Variants in FSHR observed in about 807,000 individuals in gnomAD.
The protein encoded by FSHR is follicle-stimulating hormone receptor.
FSHR carries 46 observed loss-of-function variants against 52.1 expected under a neutral mutation model. That is an observed-to-expected ratio of 0.88 (90% CI 0.70 to 1.13). The LOEUF (loss-of-function observed/expected upper bound fraction) is 1.13. FSHR is among the 50% of genes most tolerant of loss of function. The probability of loss-of-function intolerance (pLI) is 0.00; values close to 1 mark genes in which losing one functional copy is unlikely to be tolerated. For missense variants in FSHR, 964 were observed against 834.6 expected (o/e 1.16, Z -1.91); for synonymous variants, 399 against 309.6 (o/e 1.29, Z -3.03).
At chr2:48,998,554 C>G (rs6722409) in intron 4 of FSHR, among the ~76,000 whole-genome samples, 86,295 of 151,654 alleles carry the variant, frequency 0.57, 25,486 homozygotes, top group Non-Finnish European at 0.66. Flanking sequence ...CTGATGTCAG[C>G]CAGAACATTT....
In FSHR at chr2:49,129,005, G is replaced by A. The variant is rs186070453; in HGVS notation, c.152+25261C>T. ...TTTCACATCCTCATCTTTGAAGGTCGTTAAAGCATATGAATCATCCAGATT... is the reference window on the plus strand; with the variant it reads ...TTTCACATCCTCATCTTTGAAGGTCATTAAAGCATATGAATCATCCAGATT... On this transcript the variant is annotated intron_variant, in intron 1 of 9. Coordinates refer to ENST00000406846, the MANE Select transcript of FSHR (RefSeq NM_000145.4). Among the ~76,000 whole-genome samples the A allele has an allele frequency of 1.9e-3, 281 of 150,002 alleles. 1 individual carries two copies. The highest frequency in any genetic ancestry group is 2.4e-3 in the Non-Finnish European group (164 of 67,684).
At chr2:49,142,754 A>G (rs1248408929) in intron 1 of FSHR, among the ~76,000 whole-genome samples, 1 of 152,182 alleles carries the variant, frequency 6.6e-6, no homozygotes, top group Admixed American at 6.5e-5. Flanking sequence ...ATGATGGTGA[A>G]TTAAGCTATA....
chr2:49,138,629 A>G (rs1672568811), intron 1 of FSHR, among the ~76,000 whole-genome samples: 1 of 152,230 alleles, frequency 6.6e-6, no homozygotes, highest in African/African-American at 2.4e-5. Context: ...GATCCCACTC[A>G]TAAGAAAGTC....
At chr2:49,092,349 T>C (rs746812919) in intron 1 of FSHR, among the ~76,000 whole-genome samples, 1 of 152,228 alleles carries the variant, frequency 6.6e-6, no homozygotes, top group African/African-American at 2.4e-5. Context: ...GTTTCCAATC[T>C]GAATGCCTTT....
intron 1 of FSHR, among the ~76,000 whole-genome samples, chr2:49,103,918 C>T (rs568699978): frequency 2.0e-5 from 3 of 150,756 alleles, no homozygotes; most frequent in East Asian, 2.0e-4. Flanking sequence ...CTTGCTGCCC[C>T]ATTGGTTTTC....
At chr2:48,982,410 G>T (rs1277281964) in intron 8 of FSHR, among the ~76,000 whole-genome samples, 1 of 152,176 alleles carries the variant, frequency 6.6e-6, no homozygotes, top group Non-Finnish European at 1.5e-5. Context: ...GGTCTCATTG[G>T]GTTGAAGGAA....
chr2:48,998,429 T>G (rs985442409), intron 4 of FSHR, among the ~76,000 whole-genome samples: 1 of 152,138 alleles, frequency 6.6e-6, no homozygotes, highest in East Asian at 1.9e-4. Flanking sequence ...AATGCAATTT[T>G]CTAACCAGTT....
chr2:49,084,284 T>C (rs915907443), intron 1 of FSHR, among the ~76,000 whole-genome samples: 23 of 152,090 alleles, frequency 1.5e-4, no homozygotes, highest in African/African-American at 5.5e-4. Flanking sequence ...ATAAAGATGT[T>C]CTTTGAAACC....
At chr2:49,054,881 G>C (rs1444900639) in intron 2 of FSHR, among the ~76,000 whole-genome samples, 1 of 152,042 alleles carries the variant, frequency 6.6e-6, no homozygotes, top group African/African-American at 2.4e-5. Flanking sequence ...TCATCCAAAT[G>C]AATGTCTTTT....
intron 4 of FSHR, among the ~76,000 whole-genome samples, chr2:49,002,240 A>T (rs916264864): frequency 6.6e-6 from 1 of 152,064 alleles, no homozygotes. Context: ...TAATACAACT[A>T]CCAGTGCTTG....
chr2:49,071,444 G>A (rs886633453), intron 1 of FSHR, among the ~76,000 whole-genome samples: 70 of 152,100 alleles, frequency 4.6e-4, no homozygotes, highest in African/African-American at 1.6e-3. Context: ...ATTCAAATGT[G>A]AGGATAAAAT....
intron 1 of FSHR, among the ~76,000 whole-genome samples, chr2:49,126,224 G>T (rs1310774690): frequency 1.3e-5 from 2 of 152,184 alleles, no homozygotes; most frequent in Middle Eastern, 3.2e-3. Context: ...AAGTCCAAGA[G>T]TGAGGGTCCC....
At chr2:49,050,025 A>G (rs1388656105) in intron 2 of FSHR, among the ~76,000 whole-genome samples, 2 of 152,116 alleles carry the variant, frequency 1.3e-5, no homozygotes, top group African/African-American at 2.4e-5. Context: ...CTAAAACCAC[A>G]TCAACCCAAA....
Position 48,962,768 on chromosome 2 carries a change from T to G in FSHR, c.2053A>C (p.Ile685Leu). ...APRVTSGSTY[I>L]LVPLSHLAQN The stretch of plus-strand genomic sequence containing the variant: ...GCTAAATGACTTAGAGGGACAAGTA[T>G]GTAAGTGGAACCACTGGTGACTCTG... The change falls in exon 10 of 10, where the codon ATA (isoleucine) becomes CTA (leucine). Residue 685 changes from isoleucine (I) to leucine (L), a missense_variant. Physicochemically the swap from Ile to Leu is conservative, Grantham distance 5 (BLOSUM62 2). Transcript: ENST00000406846. 6.2e-7 allele frequency: 1 copy of G among 1,614,110 alleles called. No homozygotes were observed. Among genetic ancestry groups the G allele is most frequent in the Non-Finnish European group, 8.5e-7 (1 of 1,179,932 alleles).
intron 1 of FSHR, among the ~76,000 whole-genome samples, chr2:49,132,637 T>G (rs998862813): frequency 6.6e-6 from 1 of 152,118 alleles, no homozygotes; most frequent in Non-Finnish European, 1.5e-5. Flanking sequence ...GTAACTTCAT[T>G]GCAATAACAT....
intron 1 of FSHR, among the ~76,000 whole-genome samples, chr2:49,093,171 C>T (rs1165548350): frequency 6.6e-6 from 1 of 152,108 alleles, no homozygotes; most frequent in Admixed American, 6.6e-5. Context: ...CAGAGTAATG[C>T]CGGCTTTGTA....
chr2:49,134,730 C>T (rs1260663974), intron 1 of FSHR, among the ~76,000 whole-genome samples: 7 of 152,162 alleles, frequency 4.6e-5, no homozygotes. Context: ...GAATACTATG[C>T]AGACATAAAA....
Position 48,982,909 on chromosome 2 carries a change from C to G in FSHR, c.668+3G>C. On this transcript the variant is annotated splice_donor_region_variant and intron_variant, in intron 8 of 9. Transcript: ENST00000406846. Reference sequence around the variant, plus strand: ...ACACACAGAAATGGGGAAAGCTACTCACAGAATGACTGGTCCAGAGGCTCC... The same window carrying G: ...ACACACAGAAATGGGGAAAGCTACTGACAGAATGACTGGTCCAGAGGCTCC... 1 of 1,611,870 alleles carries G rather than the reference C, an allele frequency of 6.2e-7. No homozygotes were observed. Among genetic ancestry groups the G allele is most frequent in the Non-Finnish European group, 8.5e-7 (1 of 1,177,928 alleles).
In FSHR at chr2:49,114,843, G is replaced by T. The variant is rs182564169; in HGVS notation, c.152+39423C>A. ...CTTACTGGGCTCAGAGATGAATATT[G>T]TTACAATGATCATACAACCTTTGTG... On this transcript the variant is annotated intron_variant, in intron 1 of 9. Coordinates refer to ENST00000406846, the MANE Select transcript of FSHR (RefSeq NM_000145.4). Among the ~76,000 whole-genome samples, 579 of 152,126 alleles carry T rather than the reference G, an allele frequency of 3.8e-3. 2 individuals are homozygous for T. Among genetic ancestry groups the T allele is most frequent in the Middle Eastern group, 0.031 (9 of 294 alleles).
Sources: allele counts gnomAD v4.1 joint callset (sites outside exome capture counted in the v4.1 genomes callset), GRCh38; gene constraint gnomAD v4.1.1; transcripts MANE v1.5; gene names NCBI Gene and HGNC (gene_info 2026-07-23, HGNC 2026-07-21).